The following OPCML variants were observed in gnomAD, a reference collection of about 807,000 sequenced individuals.
The protein encoded by OPCML is opioid-binding protein/cell adhesion molecule.
OPCML carries 13 observed loss-of-function variants against 37.8 expected under a neutral mutation model. That is an observed-to-expected ratio of 0.34 (90% confidence interval 0.22 to 0.55). OPCML has a LOEUF of 0.55. OPCML is among the 20% of genes least tolerant of loss of function. OPCML has a pLI of 0.91. For synonymous variants in OPCML, 176 were observed against 168.8 expected (o/e 1.04, Z -0.33); for missense variants, 341 against 435.6 (o/e 0.78, Z 1.93).
chr11:133,205,471 G>C lies in OPCML; in HGVS notation c.62-262461C>G, dbSNP rs1330642908. On this transcript the variant is annotated intron_variant, in intron 1 of 7. Transcript: ENST00000524381. The surrounding 1 kb of genome is among the most constrained non-coding windows in gnomAD (Gnocchi z 4.8). ...GCTGGGAACGCTGATCAGCAGCACT[G>C]GTCCCAACCCAGGGCTTGCACCTAG... Among the ~76,000 whole-genome samples the C allele has an allele frequency of 1.3e-5, 2 of 152,172 alleles. No homozygotes were observed. Among genetic ancestry groups the C allele is most frequent in the African/African-American group, 4.8e-5 (2 of 41,444 alleles).
At position 133,202,268 on chromosome 11, in the gene OPCML, A is replaced by T. The variant is rs61910357; in HGVS notation, c.62-259258T>A. On this transcript the variant is annotated intron_variant, in intron 1 of 7. Coordinates refer to ENST00000524381, the MANE Select transcript of OPCML (RefSeq NM_001012393.5). Reference sequence around the variant, plus strand: ...TAGGTTGGGTAGATGGGAGATGGCCAGTCCTACCTGTCCGCCGAACCCATC... The same window carrying T: ...TAGGTTGGGTAGATGGGAGATGGCCTGTCCTACCTGTCCGCCGAACCCATC... Among the ~76,000 whole-genome samples, 962 of 152,290 alleles carry T rather than the reference A, an allele frequency of 6.3e-3. 6 individuals are homozygous for T. The highest frequency in any genetic ancestry group is 0.017 in the Middle Eastern group (5 of 294).
chr11:133,152,874 CCTT>C (rs2137195234), intron 1 of OPCML, among the ~76,000 whole-genome samples: 1 of 121,080 alleles, frequency 8.3e-6, no homozygotes, highest in South Asian at 2.5e-4. Flanking sequence ...GTCAGGTTAT[CCTT>C]TTTTTTTTTT....
intron 1 of OPCML, among the ~76,000 whole-genome samples, chr11:132,972,991 C>A (rs1591864344): frequency 2.6e-5 from 4 of 152,228 alleles, no homozygotes; most frequent in African/African-American, 9.6e-5. Context: ...GAGCCTCACA[C>A]AGCCCATACC....
chr11:132,878,059 G>A (rs921965842), intron 2 of OPCML, among the ~76,000 whole-genome samples: 1 of 152,128 alleles, frequency 6.6e-6, no homozygotes, highest in Non-Finnish European at 1.5e-5. Flanking sequence ...GCACATGCCT[G>A]TAGTTCCAGC....
chr11:132,739,177 A>T (rs1000036379), intron 2 of OPCML, among the ~76,000 whole-genome samples: 2 of 152,166 alleles, frequency 1.3e-5, no homozygotes, highest in African/African-American at 4.8e-5. Flanking sequence ...TTGTCACCCC[A>T]AAAAGCCTGA....
intron 1 of OPCML, chr11:133,418,447 C>G: frequency 1.0e-6 from 1 of 985,372 alleles, no homozygotes; most frequent in South Asian, 4.7e-5. Context: ...TCTTAAATGA[C>G]TTTGGTGTTT....
At chr11:133,224,300 A>T (rs1939950735) in intron 1 of OPCML, among the ~76,000 whole-genome samples, 1 of 152,182 alleles carries the variant, frequency 6.6e-6, no homozygotes, top group Non-Finnish European at 1.5e-5. Context: ...TGTACGCTCC[A>T]TCCATGTGTG....
chr11:133,422,534 T>C lies in OPCML; in HGVS notation c.61+109730A>G, dbSNP rs1353118798. The C allele has an allele frequency of 3.1e-6, 3 of 972,070 alleles. No homozygotes were observed. In the African/African-American group the frequency reaches 5.4e-5, roughly 17 times the overall value. 60.2% of individuals were successfully genotyped at this position (972,070 alleles called of 1,614,324 possible). A position where few individuals can be genotyped will look rare whatever the true frequency, so the allele number is the denominator to read the frequency against. ...TCTGTTTTTAGAGACGGGGTCCTGC[T>C]CTACCGCCCAGGCTGGAGTGCAGCG... On this transcript the variant is annotated intron_variant, in intron 1 of 7. Coordinates refer to ENST00000524381, the MANE Select transcript of OPCML (RefSeq NM_001012393.5).
At chr11:133,418,054 T>G (rs1268372100) in intron 1 of OPCML, 31 of 985,124 alleles carry the variant, frequency 3.1e-5, no homozygotes, top group Non-Finnish European at 3.6e-6. Context: ...CAGAGAGAAC[T>G]GCTTGAACAC....
At chr11:132,906,660 G>A (rs1481696282) in intron 2 of OPCML, among the ~76,000 whole-genome samples, 1 of 152,190 alleles carries the variant, frequency 6.6e-6, no homozygotes, top group Admixed American at 6.5e-5. Flanking sequence ...GTCAGCGAGT[G>A]TACAGGAAAG....
At chr11:133,460,939 A>G (rs1946844583) in intron 1 of OPCML, among the ~76,000 whole-genome samples, 1 of 151,932 alleles carries the variant, frequency 6.6e-6, no homozygotes, top group Admixed American at 6.6e-5. Context: ...GAAGAAAGTC[A>G]GTCAATCTAA....
In OPCML at chr11:132,436,146, T is replaced by A; in HGVS notation, c.856A>T (p.Asn286Tyr). Residue 286 changes from asparagine (N) to tyrosine (Y), a missense_variant, in exon 7 of 8, where the codon AAC becomes TAC. By Grantham distance (143) the Asn-to-Tyr change is moderately radical. Transcript: ENST00000524381. ...TTGTTCGTGGCCACACAAGTATAGT[T>A]CCCATAATCCTTTTCTGAAACATTG... is the stretch of plus-strand genomic sequence containing the variant. Reference protein sequence around the residue: ...FFNVSEKDYGNYTCVATNKLG... With the variant: ...FFNVSEKDYGYYTCVATNKLG... 2 of 1,614,208 alleles carry A rather than the reference T, an allele frequency of 1.2e-6. No homozygotes were observed. The highest frequency in any genetic ancestry group is 1.7e-6 in the Non-Finnish European group (2 of 1,180,030).
intron 1 of OPCML, among the ~76,000 whole-genome samples, chr11:133,119,386 T>C (rs1020293091): frequency 6.6e-6 from 1 of 152,090 alleles, no homozygotes; most frequent in African/African-American, 2.4e-5. Flanking sequence ...CTGTCCCTGA[T>C]TTGAATGAAC....
intron 7 of OPCML, among the ~76,000 whole-genome samples, chr11:132,431,476 T>C (rs1305698460): frequency 6.6e-6 from 1 of 152,214 alleles, no homozygotes; most frequent in Non-Finnish European, 1.5e-5. Flanking sequence ...AATATGGCTG[T>C]GAGTTGGCGC....
chr11:132,439,147 A>G (rs1321605564), intron 4 of OPCML, among the ~76,000 whole-genome samples: 9 of 152,070 alleles, frequency 5.9e-5, no homozygotes, highest in African/African-American at 2.2e-4. Flanking sequence ...CCCAAAATGT[A>G]CCCATAGATG....
intron 1 of OPCML, among the ~76,000 whole-genome samples, chr11:133,152,603 G>T (rs552895763): frequency 6.6e-6 from 1 of 150,718 alleles, no homozygotes; most frequent in Non-Finnish European, 1.5e-5. Context: ...GGTCTGTTTT[G>T]ACTCTTTTCC....
intron 7 of OPCML, among the ~76,000 whole-genome samples, chr11:132,433,032 C>T (rs1453477412): frequency 6.6e-6 from 1 of 152,026 alleles, no homozygotes; most frequent in African/African-American, 2.4e-5. Flanking sequence ...GGAAAGTCTT[C>T]CTTCAGGAAG....
chr11:132,441,165 G>GTTTTTTTT (rs68143578), intron 4 of OPCML, among the ~76,000 whole-genome samples: 7 of 72,400 alleles, frequency 9.7e-5, no homozygotes, highest in African/African-American at 2.2e-4. Flanking sequence ...GGACTTTTTT[G>GTTTTTTTT]TTTTTTTTTT....
rs184558434 is a variant in OPCML at position 133,117,400 on chromosome 11, G to A, written c.62-174390C>T. 6.9e-4 allele frequency among the ~76,000 whole-genome samples: 105 copies of A among 152,142 alleles called. No individual in the cohort carries two copies. In the East Asian group the frequency reaches 0.017, roughly 25 times the overall value. ...GAACCTGTGATGGACCAGAGCTTTC[G>A]GGGCCTTCTTATAACCATGGTCCTA... On this transcript the variant is annotated intron_variant, in intron 1 of 7. Transcript: ENST00000524381.
Sources: allele counts gnomAD v4.1 joint callset (sites outside exome capture counted in the v4.1 genomes callset), GRCh38; gene constraint gnomAD v4.1.1; non-coding constraint Gnocchi (gnomAD v3.1); transcripts MANE v1.5; gene names NCBI Gene and HGNC (gene_info 2026-07-23, HGNC 2026-07-21).